THOC5: variants seen among roughly 807,000 people sequenced by gnomAD.
THOC5 encodes the protein Fms-interacting protein.
Under a neutral mutation model 92.9 loss-of-function variants are expected in THOC5, and 43 were observed. The observed-to-expected ratio is 0.46, with a 90% CI of 0.36 to 0.60. The LOEUF is 0.60. THOC5 is among the 20% of genes least tolerant of loss of function. THOC5 has a pLI of 0.00. For missense variants in THOC5, 659 were observed against 849.4 expected (o/e 0.78, Z 2.79); for synonymous variants, 296 against 320.1 (o/e 0.92, Z 0.80).
chr22:29,541,506 C>CAAA (rs34069596), intron 5 of THOC5, among the ~76,000 whole-genome samples: 5 of 88,844 alleles, frequency 5.6e-5, no homozygotes, highest in Admixed American at 1.3e-4. Context: ...GACCCTGTCT[C>CAAA]AAAAAAAAAA....
At chr22:29,539,222 G>C (rs1185222135) in intron 6 of THOC5, 108 bp downstream of exon 6, 1 of 1,184,454 alleles carries the variant, frequency 8.4e-7, no homozygotes, top group Non-Finnish European at 1.2e-6. Flanking sequence ...ATGGGATTTG[G>C]TCTTAGAAAC....
chr22:29,530,314 T>C (rs2063626814), intron 8 of THOC5, among the ~76,000 whole-genome samples: 1 of 151,622 alleles, frequency 6.6e-6, no homozygotes, highest in Non-Finnish European at 1.5e-5. Flanking sequence ...AGATCAGGAG[T>C]TCGAGACCAG....
intron 1 of THOC5, 169 bp downstream of exon 1, chr22:29,553,502 G>C (rs1052742708): frequency 1.3e-5 from 2 of 152,508 alleles, no homozygotes; most frequent in East Asian, 3.8e-4. Flanking sequence ...AACACTTTTC[G>C]GATGAGGTAA....
chr22:29,526,027 G>A (rs1395673092), intron 11 of THOC5, 81 bp from the exon 12 acceptor site: 1 of 572,560 alleles, frequency 1.7e-6, no homozygotes, highest in Non-Finnish European at 3.1e-6. Flanking sequence ...GTAGTAAGGT[G>A]GGGGGGTCAA....
chr22:29,520,973 G>A lies in THOC5; in HGVS notation c.1277+25C>T, dbSNP rs534169222. ...AGAGAAACTCAGAAGTAGAGAGCTC[G>A]GAGAGGAGGAAACTGCTGACTCACC... On this transcript the variant is annotated intron_variant, in intron 13 of 19. Transcript: ENST00000490103. 4.0e-5 allele frequency: 63 copies of A among 1,571,012 alleles called. No homozygotes were observed. In the South Asian group the frequency reaches 4.5e-4, roughly 11 times the overall value.
intron 18 of THOC5, 42 bp from the exon 19 acceptor site, chr22:29,511,338 CATGTGGGG>C: frequency 5.7e-6 from 9 of 1,584,472 alleles, no homozygotes; most frequent in Non-Finnish European, 7.7e-6. Context: ...TACCTTCCTG[CATGTGGGG>C]GACCACACTG....
intron 1 of THOC5, among the ~76,000 whole-genome samples, chr22:29,550,270 G>C (rs1363147341): frequency 6.6e-6 from 1 of 151,926 alleles, no homozygotes; most frequent in African/African-American, 2.4e-5. Context: ...ATGACTAGTA[G>C]GCCAAAATCC....
At position 29,508,363 on chromosome 22, in the gene THOC5, G is replaced by T; in HGVS notation, c.*94C>A. Reference sequence around the variant, plus strand: ...GCTTTTTAATTGGCTGGTGTCTTTGGAGAATATCAAGAGTCACATGTGGGC... The same window carrying T: ...GCTTTTTAATTGGCTGGTGTCTTTGTAGAATATCAAGAGTCACATGTGGGC... On this transcript the variant is annotated 3_prime_UTR_variant, in exon 20 of 20. Coordinates refer to ENST00000490103, the MANE Select transcript of THOC5 (RefSeq NM_003678.5). The T allele has an allele frequency of 7.6e-7, 1 of 1,316,352 alleles. No homozygotes were observed. Among genetic ancestry groups the T allele is most frequent in the Non-Finnish European group, 1.1e-6 (1 of 926,334 alleles). The allele number at this position is 1,316,352 out of a possible 1,614,324, so 81.5% of individuals were successfully genotyped here. A position where few individuals can be genotyped will look rare whatever the true frequency, so the allele number is the denominator to read the frequency against.
chr22:29,528,499 A>C (rs753039047), intron 9 of THOC5, 33 bp from the exon 10 acceptor site: 32 of 1,611,276 alleles, frequency 2.0e-5, no homozygotes, highest in Non-Finnish European at 2.6e-5. Context: ...GCTAGAGGTG[A>C]GGGGGCTCCA....
At chr22:29,518,681 A>G (rs958635526) in intron 15 of THOC5, among the ~76,000 whole-genome samples, 8 of 152,182 alleles carry the variant, frequency 5.3e-5, no homozygotes, top group Non-Finnish European at 8.8e-5. Context: ...ATCTCACTAA[A>G]TATGTGTCGA....
chr22:29,549,317 C>T (rs1229413000), intron 1 of THOC5, among the ~76,000 whole-genome samples, 159 bp from the exon 2 acceptor site: 1 of 152,188 alleles, frequency 6.6e-6, no homozygotes, highest in East Asian at 1.9e-4. Flanking sequence ...AAGCATCTCT[C>T]AGCCTGTCCA....
At position 29,540,566 on chromosome 22, in the gene THOC5, G is replaced by T. The variant is rs766942911; in HGVS notation, c.453-1090C>A. On this transcript the variant is annotated intron_variant, in intron 5 of 19. Coordinates refer to ENST00000490103, the MANE Select transcript of THOC5 (RefSeq NM_003678.5). Reference sequence around the variant, plus strand: ...TTCAAGGCCTATGCTCCTTCCATGTGGCCGTCTGCCTCCCAACAGGCGCAA... The same window carrying T: ...TTCAAGGCCTATGCTCCTTCCATGTTGCCGTCTGCCTCCCAACAGGCGCAA... Among the ~76,000 whole-genome samples the T allele has an allele frequency of 1.3e-4, 20 of 152,258 alleles. No individual in the cohort carries two copies. The South Asian group carries it at 3.9e-3, about 30-fold the overall frequency.
intron 2 of THOC5, among the ~76,000 whole-genome samples, chr22:29,546,907 C>T (rs2064033922): frequency 6.6e-6 from 1 of 151,536 alleles, no homozygotes; most frequent in African/African-American, 2.4e-5. Context: ...ATGGCGCAAT[C>T]TCAGCTCACT....
chr22:29,525,290 T>C (rs191915808), intron 12 of THOC5, among the ~76,000 whole-genome samples: 18 of 151,900 alleles, frequency 1.2e-4, no homozygotes, highest in Admixed American at 9.8e-4. Flanking sequence ...AAAATAGAAA[T>C]TAAAAAAAGA....
chr22:29,548,111 A>G (rs1333633130), intron 2 of THOC5, among the ~76,000 whole-genome samples: 2 of 152,196 alleles, frequency 1.3e-5, no homozygotes, highest in Non-Finnish European at 2.9e-5. Context: ...CCATGATTCA[A>G]TTACCTCCTC....
At chr22:29,531,096 A>G in intron 8 of THOC5, 1 of 1,187,952 alleles carries the variant, frequency 8.4e-7, no homozygotes, top group African/African-American at 1.6e-5. Flanking sequence ...GGGGGCTGGG[A>G]GGATTTCATA....
At chr22:29,524,351 G>A (rs2063502050) in intron 12 of THOC5, among the ~76,000 whole-genome samples, 1 of 152,148 alleles carries the variant, frequency 6.6e-6, no homozygotes, top group South Asian at 2.1e-4. Flanking sequence ...TCTATGCTAA[G>A]CACTTGACCT....
chr22:29,527,400 CGA>C (rs1179118391), intron 11 of THOC5, among the ~76,000 whole-genome samples: 1 of 152,082 alleles, frequency 6.6e-6, no homozygotes, highest in Non-Finnish European at 1.5e-5. Context: ...GCCTGGATGA[CGA>C]GAGTGAGACC....
At chr22:29,516,965 G>A (rs1283546987) in intron 17 of THOC5, 64 bp downstream of exon 17, 31 of 1,531,790 alleles carry the variant, frequency 2.0e-5, no homozygotes, top group South Asian at 1.0e-4. Context: ...GGGCAGCCCC[G>A]GAGAGTGTTT....
Sources: gnomAD v4.1 joint callset for allele counts (sites outside exome capture counted in the v4.1 genomes callset) on GRCh38, gnomAD v4.1.1 for gene constraint, MANE v1.5 for transcripts, NCBI Gene and HGNC (gene_info 2026-07-23, HGNC 2026-07-21) for gene names.